Variants in CACNA1C observed in about 807,000 individuals in gnomAD.
CACNA1C encodes calcium voltage-gated channel subunit alpha1 C, also known as voltage-dependent L-type calcium channel subunit alpha-1C.
Under a neutral mutation model 229.0 loss-of-function variants are expected in CACNA1C, and 30 were observed. That is an observed-to-expected ratio of 0.13 (90% CI 0.10 to 0.18). The LOEUF (loss-of-function observed/expected upper bound fraction) is 0.18, where lower values mean the gene tolerates loss of function less well. Ranked by LOEUF, CACNA1C falls within the 10% of genes least tolerant of loss-of-function variation. The pLI is 1.00. For synonymous variants in CACNA1C, 1,114 were observed against 1,132.5 expected (o/e 0.98, Z 0.33); for missense variants, 1,658 against 2,845.0 (o/e 0.58, Z 9.49).
chr12:2,017,240 G>A (rs760659257), intron 1 of CACNA1C, among the ~76,000 whole-genome samples: 3 of 152,142 alleles, frequency 2.0e-5, no homozygotes, highest in Non-Finnish European at 4.4e-5. Context: ...AGGTAGCAGC[G>A]GAAACCCTGG....
chr12:2,126,680 G>A (rs999980964), intron 3 of CACNA1C, among the ~76,000 whole-genome samples: 8 of 152,184 alleles, frequency 5.3e-5, no homozygotes, highest in African/African-American at 1.2e-4. Flanking sequence ...GAAGCCGTCC[G>A]TCAGAGGGGC....
intron 6 of CACNA1C, among the ~76,000 whole-genome samples, chr12:2,492,000 G>A (rs1465415966): frequency 6.9e-6 from 1 of 144,428 alleles, no homozygotes; most frequent in Non-Finnish European, 1.5e-5. Flanking sequence ...CTCTCTCTTT[G>A]GAAGTGTATT....
intron 30 of CACNA1C, among the ~76,000 whole-genome samples, chr12:2,635,838 G>A (rs1386942669): frequency 6.6e-6 from 1 of 152,100 alleles, no homozygotes; most frequent in Non-Finnish European, 1.5e-5. Context: ...ATGTCTGTGT[G>A]TGTGTGAGCA....
chr12:2,435,854 G>A (rs572953797), intron 3 of CACNA1C, among the ~76,000 whole-genome samples: 7 of 152,322 alleles, frequency 4.6e-5, no homozygotes, highest in Admixed American at 4.6e-4. Flanking sequence ...CTTGCTGAAT[G>A]GGACAGCCTG....
intron 1 of CACNA1C, among the ~76,000 whole-genome samples, chr12:2,086,227 T>G (rs1380582255): frequency 1.3e-5 from 2 of 152,208 alleles, no homozygotes; most frequent in Admixed American, 1.3e-4. Context: ...TAGTAGGCAC[T>G]TGGGATTTGT....
At chr12:2,613,049 C>T (rs1448052710) in intron 29 of CACNA1C, 1 of 152,170 alleles carries the variant, frequency 6.6e-6, no homozygotes, top group Non-Finnish European at 1.5e-5. Flanking sequence ...GAATCCCTGG[C>T]CATATCTTCT....
chr12:2,448,819 C>G (rs927818724), intron 3 of CACNA1C, among the ~76,000 whole-genome samples, 157 bp from the exon 4 acceptor site: 1 of 151,804 alleles, frequency 6.6e-6, no homozygotes, highest in Admixed American at 6.6e-5. Flanking sequence ...TAGAGCAGGT[C>G]GTGGAGTTGC....
chr12:2,568,509 G>A (rs905928252), intron 13 of CACNA1C, among the ~76,000 whole-genome samples: 24 of 152,156 alleles, frequency 1.6e-4, no homozygotes, highest in African/African-American at 5.8e-4. Flanking sequence ...AGAGATATTT[G>A]CACACCCAAG....
chr12:1,979,908 G>T (rs1233426001), intron 1 of CACNA1C, among the ~76,000 whole-genome samples: 1 of 152,094 alleles, frequency 6.6e-6, no homozygotes, highest in Non-Finnish European at 1.5e-5. Flanking sequence ...ATGGTAAAAT[G>T]CAAATTAAAA....
chr12:2,653,597 C>T lies in CACNA1C; in HGVS notation c.4075-238C>T, dbSNP rs1223054474. ...TGATTGTTTTGCCCAGGTAGTGTCG[C>T]ACTATATCGTTACTCTGCGGCCTGC... is the stretch of plus-strand genomic sequence containing the variant. On this transcript the variant is annotated intron_variant, in intron 32 of 46. Coordinates refer to ENST00000399655, the MANE Select transcript of CACNA1C (RefSeq NM_000719.7). This position sits in a 1 kb window ranked among gnomAD's most constrained non-coding sequence, Gnocchi z 4.7. 2.6e-5 allele frequency among the ~76,000 whole-genome samples: 4 copies of T among 152,184 alleles called. No individual in the cohort carries two copies. The highest frequency in any genetic ancestry group is 7.2e-5 in the African/African-American group (3 of 41,440).
Position 2,666,643 on chromosome 12 carries a change from G to T in CACNA1C, c.4527-43G>T. Reference sequence around the variant, plus strand: ...GCGTCCTGGGCTGCTGGCAGAGACCGTGGCTCTCTGATGCCCTGTCCCTCC... The same window carrying T: ...GCGTCCTGGGCTGCTGGCAGAGACCTTGGCTCTCTGATGCCCTGTCCCTCC... On this transcript the variant is annotated intron_variant, in intron 36 of 46. Transcript: ENST00000399655. The surrounding 1 kb of genome is among the most constrained non-coding windows in gnomAD (Gnocchi z 5.3). 1 of 1,304,326 alleles carries T rather than the reference G, an allele frequency of 7.7e-7. No individual in the cohort carries two copies. Among genetic ancestry groups the T allele is most frequent in the Non-Finnish European group, 1.1e-6 (1 of 919,636 alleles). 80.8% of individuals were successfully genotyped at this position (1,304,326 alleles called of 1,614,324 possible).
Position 2,101,036 on chromosome 12 carries a change from G to T in CACNA1C, c.50-14188G>T, listed in dbSNP as rs1432401660. ...AAAAAAAGAAAAAAGAAAAAAAATTGTGGTCCCATTGTATATACTTTTGTG... is the reference window on the plus strand; with the variant it reads ...AAAAAAAGAAAAAAGAAAAAAAATTTTGGTCCCATTGTATATACTTTTGTG... On this transcript the variant is annotated intron_variant, in intron 1 of 46. Transcript: ENST00000399655. Among the ~76,000 whole-genome samples, 3 of 150,206 alleles carry T rather than the reference G, an allele frequency of 2.0e-5. No homozygotes were observed. The East Asian group carries it at 5.8e-4, about 29-fold the overall frequency.
chr12:2,392,741 A>G (rs775209842), intron 3 of CACNA1C, among the ~76,000 whole-genome samples: 1 of 152,168 alleles, frequency 6.6e-6, no homozygotes, highest in Non-Finnish European at 1.5e-5. Context: ...TGGGAGGCAG[A>G]GGATTGTACC....
At chr12:2,051,876 GATAGACATTTGAT>G (rs1275868345), upstream of CACNA1C, among the ~76,000 whole-genome samples, 3 of 152,240 alleles carry the variant, frequency 2.0e-5, no homozygotes, top group Admixed American at 2.0e-4. Flanking sequence ...CTGGGCTGGA[GATAGACATTTGAT>G]ATAGACAGCT....
chr12:2,317,161 A>T (rs1417799830), intron 3 of CACNA1C, among the ~76,000 whole-genome samples: 2 of 152,204 alleles, frequency 1.3e-5, no homozygotes, highest in African/African-American at 2.4e-5. Context: ...ACTTTTGGGT[A>T]TGCACCCTAA....
At chr12:2,185,058 C>T (rs549633661) in intron 3 of CACNA1C, among the ~76,000 whole-genome samples, 69 of 149,706 alleles carry the variant, frequency 4.6e-4, no homozygotes, top group African/African-American at 1.5e-3. Flanking sequence ...TACAACTCAA[C>T]GCAGCTGTAG....
At position 2,216,405 on chromosome 12, in the gene CACNA1C, TA is replaced by T. The variant is rs199640804; in HGVS notation, c.477+95979del. 7.1e-3 allele frequency among the ~76,000 whole-genome samples: 1,085 copies of T among 152,250 alleles called. 13 individuals are homozygous for T. The highest frequency in any genetic ancestry group is 0.025 in the African/African-American group (1,047 of 41,526). ...CAGGCACGCAGTCCACAATTAGAGATAAAAGGCTTCAACTGGAGGAGGTAAG... is the reference window on the plus strand; with the variant it reads ...CAGGCACGCAGTCCACAATTAGAGATAAAGGCTTCAACTGGAGGAGGTAAG... On this transcript the variant is annotated intron_variant, in intron 3 of 46. Coordinates refer to ENST00000399655, the MANE Select transcript of CACNA1C (RefSeq NM_000719.7).
rs80334513 is a variant in CACNA1C, at chr12:2,651,938, C to T, written c.4074+170C>T. ...CTGTTTCCGCACCGAGAGGCCTAGA[C>T]GAAGCATGTGGTTTCCAAGGCAGGC... On this transcript the variant is annotated intron_variant, in intron 32 of 46. Coordinates refer to ENST00000399655, the MANE Select transcript of CACNA1C (RefSeq NM_000719.7). This position sits in a 1 kb window ranked among gnomAD's most constrained non-coding sequence, Gnocchi z 5.4. Among the ~76,000 whole-genome samples the T allele has an allele frequency of 6.6e-6, 1 of 151,934 alleles. No homozygotes were observed. Among genetic ancestry groups the T allele is most frequent in the East Asian group, 1.9e-4 (1 of 5,176 alleles).
chr12:2,050,159 T>C (rs1594373679), upstream of CACNA1C, among the ~76,000 whole-genome samples: 1 of 152,256 alleles, frequency 6.6e-6, no homozygotes, highest in East Asian at 1.9e-4. Flanking sequence ...CATTTCACCC[T>C]GTTCATCTCC....
Sources: gnomAD v4.1 joint callset for allele counts (sites outside exome capture counted in the v4.1 genomes callset) on GRCh38, gnomAD v4.1.1 for gene constraint, Gnocchi (gnomAD v3.1) non-coding constraint, MANE v1.5 for transcripts, NCBI Gene and HGNC (gene_info 2026-07-23, HGNC 2026-07-21) for gene names.